LTBP1: variants seen among roughly 807,000 people sequenced by gnomAD.
LTBP1 encodes latent transforming growth factor beta binding protein 1, also known as latent-transforming growth factor beta-binding protein 1.
In LTBP1, 129 loss-of-function variants were observed where a neutral mutation model predicts 207.6. The observed-to-expected ratio is 0.62, with a 90% CI of 0.54 to 0.72. The LOEUF (loss-of-function observed/expected upper bound fraction) is 0.72. LTBP1 is among the 30% of genes least tolerant of loss of function. The pLI, the probability that LTBP1 is intolerant of heterozygous loss-of-function variation, is 0.00. For synonymous variants in LTBP1, 963 were observed against 833.7 expected (o/e 1.16, Z -2.67); for missense variants, 2,281 against 2,217.2 (o/e 1.03, Z -0.58).
intron 5 of LTBP1, among the ~76,000 whole-genome samples, chr2:33,167,846 C>T (rs2085065745): frequency 6.6e-6 from 1 of 152,108 alleles, no homozygotes; most frequent in African/African-American, 2.4e-5. Context: ...CAAGGAGAGC[C>T]CTTCTGCCAT....
rs183407305 is a variant in LTBP1 at position 32,984,723 on chromosome 2, C to A, written c.565+35778C>A. 4.2e-3 allele frequency among the ~76,000 whole-genome samples: 636 copies of A among 151,728 alleles called. 3 individuals are homozygous for A. The highest frequency in any genetic ancestry group is 0.013 in the African/African-American group (547 of 41,366). On this transcript the variant is annotated intron_variant, in intron 2 of 33. Transcript: ENST00000404816. The stretch of plus-strand genomic sequence containing the variant: ...ATCACCTGAGGTCAGGAGTTCGAGA[C>A]CAGCCTGGCCAACATGGTGAAACCC...
chr2:33,069,679 A>G (rs956263319), intron 3 of LTBP1, among the ~76,000 whole-genome samples: 15 of 152,250 alleles, frequency 9.9e-5, no homozygotes, highest in Non-Finnish European at 1.5e-4. Flanking sequence ...TCACAAAACA[A>G]AGTTGAAGAG....
intron 3 of LTBP1, among the ~76,000 whole-genome samples, chr2:33,036,931 C>T (rs950901184): frequency 1.3e-5 from 2 of 150,640 alleles, no homozygotes; most frequent in Admixed American, 1.3e-4. Context: ...ACAGTGAACT[C>T]GTCAAAAAAT....
At chr2:33,290,987 T>C (rs1253231446) in intron 19 of LTBP1, among the ~76,000 whole-genome samples, 1 of 152,236 alleles carries the variant, frequency 6.6e-6, no homozygotes, top group East Asian at 1.9e-4. Flanking sequence ...CCTTCCTTCT[T>C]TGTAGAGATT....
In LTBP1 at chr2:33,393,454, G is replaced by A. The variant is rs571441951; in HGVS notation, c.4835-3679G>A. Among the ~76,000 whole-genome samples, 130 of 38,962 alleles carry A rather than the reference G, an allele frequency of 3.3e-3. 1 individual carries two copies. Among genetic ancestry groups the A allele is most frequent in the African/African-American group, 0.011 (102 of 9,354 alleles). The allele number at this position is 38,962 out of a possible 152,430, so 25.6% of individuals were successfully genotyped here. On this transcript the variant is annotated intron_variant, in intron 32 of 33. Coordinates refer to ENST00000404816, the MANE Select transcript of LTBP1 (RefSeq NM_206943.4). ...TATCCCTCCCCCCTCCCCCAACCCC[G>A]CGAAAGGCCCTGGTGTGTGATGTTC...
At chr2:33,130,301 A>G (rs762933859) in intron 4 of LTBP1, among the ~76,000 whole-genome samples, 4 of 152,096 alleles carry the variant, frequency 2.6e-5, no homozygotes, top group Non-Finnish European at 5.9e-5. Flanking sequence ...GCTTCTTCCC[A>G]GAGGATATTG....
chr2:33,297,556 T>C (rs1021981754), intron 20 of LTBP1, among the ~76,000 whole-genome samples: 33 of 152,116 alleles, frequency 2.2e-4, no homozygotes, highest in African/African-American at 7.7e-4. Context: ...CTCAGCCTCC[T>C]GGGCAGCTGG....
At chr2:33,132,707 C>G (rs992155223) in intron 4 of LTBP1, among the ~76,000 whole-genome samples, 3 of 152,134 alleles carry the variant, frequency 2.0e-5, no homozygotes, top group African/African-American at 7.2e-5. Context: ...TTAGAACCAC[C>G]GGTGAAGGAG....
In LTBP1 at chr2:33,327,487, G is replaced by A. The variant is rs190754573; in HGVS notation, c.3730+12218G>A. Among the ~76,000 whole-genome samples the A allele has an allele frequency of 8.6e-5, 13 of 152,036 alleles. No homozygotes were observed. In the East Asian group the frequency reaches 2.1e-3, roughly 25 times the overall value. On this transcript the variant is annotated intron_variant, in intron 24 of 33. Transcript: ENST00000404816. ...CAAATAACTCCCATGACATAGAGTGGGTCATGTACAAATGGAGTTGAGTTT... is the reference window on the plus strand; with the variant it reads ...CAAATAACTCCCATGACATAGAGTGAGTCATGTACAAATGGAGTTGAGTTT...
intron 5 of LTBP1, among the ~76,000 whole-genome samples, chr2:33,153,891 C>A (rs1384178606): frequency 3.9e-5 from 6 of 152,288 alleles, no homozygotes; most frequent in Non-Finnish European, 7.4e-5. Context: ...TCATTGGCAC[C>A]ATTTTCCTTT....
chr2:33,050,776 C>A (rs557394534), intron 3 of LTBP1, among the ~76,000 whole-genome samples: 1 of 151,612 alleles, frequency 6.6e-6, no homozygotes, highest in East Asian at 1.9e-4. Context: ...CTCTGTTGCC[C>A]AGGCTGGAGT....
At chr2:33,306,701 AT>A (rs2094101987) in intron 22 of LTBP1, among the ~76,000 whole-genome samples, 1 of 152,090 alleles carries the variant, frequency 6.6e-6, no homozygotes, top group South Asian at 2.1e-4. Flanking sequence ...TCTTTTTTGA[AT>A]TGAGTTTTTT....
intron 18 of LTBP1, among the ~76,000 whole-genome samples, chr2:33,277,811 T>TCTCTC (rs2093472178): frequency 2.9e-5 from 3 of 102,900 alleles, no homozygotes; most frequent in African/African-American, 1.3e-4. Flanking sequence ...CTCTCTTTCT[T>TCTCTC]TTTTTCTTTC....
chr2:33,351,190 A>G (rs2094776908), intron 26 of LTBP1, among the ~76,000 whole-genome samples: 1 of 152,192 alleles, frequency 6.6e-6, no homozygotes, highest in Admixed American at 6.5e-5. Flanking sequence ...ATCATGAGCT[A>G]TATCCTAGAC....
At chr2:32,973,838 C>T (rs1362162240) in intron 2 of LTBP1, among the ~76,000 whole-genome samples, 1 of 152,188 alleles carries the variant, frequency 6.6e-6, no homozygotes, top group African/African-American at 2.4e-5. Flanking sequence ...TAACTGAGAA[C>T]ATGTGATATT....
chr2:33,084,468 A>G (rs578012321), intron 3 of LTBP1, among the ~76,000 whole-genome samples: 50 of 152,046 alleles, frequency 3.3e-4, no homozygotes, highest in African/African-American at 1.2e-3. Flanking sequence ...ATGCAGAGGA[A>G]CTCTTAGGGA....
intron 9 of LTBP1, among the ~76,000 whole-genome samples, chr2:33,231,145 G>A (rs2091762949): frequency 6.6e-6 from 1 of 152,178 alleles, no homozygotes; most frequent in South Asian, 2.1e-4. Flanking sequence ...CTTTGAATGA[G>A]CAGGATGCAA....
chr2:33,125,591 G>A lies in LTBP1; in HGVS notation c.1034-9202G>A, dbSNP rs74528694. 6.6e-5 allele frequency among the ~76,000 whole-genome samples: 10 copies of A among 152,212 alleles called. No homozygotes were observed. The East Asian group carries it at 1.5e-3, about 24-fold the overall frequency. ...CTCACGCTTGTAATCCCAGGACTTT[G>A]GGAGGCTGAGGCGGGTGGATCACGA... On this transcript the variant is annotated intron_variant, in intron 4 of 33. Transcript: ENST00000404816.
intron 6 of LTBP1, among the ~76,000 whole-genome samples, chr2:33,188,373 G>A (rs1384799112): frequency 7.2e-6 from 1 of 139,204 alleles, no homozygotes; most frequent in Non-Finnish European, 1.5e-5. Flanking sequence ...GTTGCAATGA[G>A]CTGAGATCGA....
Sources: allele counts gnomAD v4.1 joint callset (sites outside exome capture counted in the v4.1 genomes callset), GRCh38; gene constraint gnomAD v4.1.1; transcripts MANE v1.5; gene names NCBI Gene and HGNC (gene_info 2026-07-23, HGNC 2026-07-21).